Variants in DEFB110 observed in about 807,000 individuals in gnomAD.
DEFB110 encodes beta-defensin 110.
Under a neutral mutation model 2.5 loss-of-function variants are expected in DEFB110, and 4 were observed. That is an observed-to-expected ratio of 1.60 (90% CI 0.79 to 3.66). The LOEUF is 3.66. Among genes scored for constraint, DEFB110 ranks in the 30% most tolerant of loss-of-function variants. DEFB110 has a pLI of 0.01. For synonymous variants in DEFB110, 29 were observed against 21.8 expected (o/e 1.33, Z -0.92); for missense variants, 94 against 75.4 (o/e 1.25, Z -0.91).
chr6:50,010,967 A>G (rs1774217444), intron 1 of DEFB110, among the ~76,000 whole-genome samples: 1 of 151,428 alleles, frequency 6.6e-6, no homozygotes. Flanking sequence ...ATTATTTTAA[A>G]GAATAAGAAT....
chr6:50,011,024 C>T (rs1403449947), intron 1 of DEFB110, among the ~76,000 whole-genome samples: 2 of 151,660 alleles, frequency 1.3e-5, no homozygotes, highest in African/African-American at 4.8e-5. Context: ...AAACAAAAAG[C>T]ATGCATTGTA....
chr6:50,009,583 G>T (rs969976839), intron 1 of DEFB110, among the ~76,000 whole-genome samples: 1 of 152,070 alleles, frequency 6.6e-6, no homozygotes, highest in African/African-American at 2.4e-5. Context: ...ATGTATTTTT[G>T]TCAGACATTT....
Position 50,013,198 on chromosome 6 carries a change from A to C in DEFB110, c.56-3927T>G, listed in dbSNP as rs535197784. On this transcript the variant is annotated intron_variant, in intron 1 of 1. Coordinates refer to the DEFB110 transcript ENST00000393660. Reference sequence around the variant, plus strand: ...CAGAGGGAGTAGGAGAGCAAGTAGCAAACAAAGCTAGGTTTGTTGGACTCA... The same window carrying C: ...CAGAGGGAGTAGGAGAGCAAGTAGCCAACAAAGCTAGGTTTGTTGGACTCA... Among the ~76,000 whole-genome samples the C allele has an allele frequency of 8.9e-4, 136 of 151,996 alleles. 1 individual carries two copies. Among genetic ancestry groups the C allele is most frequent in the Non-Finnish European group, 1.7e-3 (115 of 67,844 alleles).
In DEFB110 at chr6:50,019,123, T is replaced by A. The variant is rs771498764; in HGVS notation, c.58A>T (p.Lys20Ter). The A allele has an allele frequency of 1.2e-6, 2 of 1,611,130 alleles. No individual in the cohort carries two copies. The highest frequency in any genetic ancestry group is 2.7e-5 in the African/African-American group (2 of 74,740). The change falls in exon 2 of 2, where the codon AAA becomes TAA. Residue 20 changes from lysine (K) to a stop codon, truncating the protein, a stop_gained and splice_region_variant. Coordinates refer to ENST00000371148, the MANE Select transcript of DEFB110 (RefSeq NM_001037497.2). LOFTEE classifies it low-confidence loss of function (END_TRUNC). ...CTACCATACTCAGGATATTTCTTTT[T>A]GGCTGTAAGAAGGGAAGAATGACTA... is the stretch of plus-strand genomic sequence containing the variant. ...LHFWVTILPA[K>*]KKYPEYGSLD...
exon 2 of DEFB110, chr6:50,009,249 C>A (rs759612816): frequency 1.2e-6 from 2 of 1,601,610 alleles, no homozygotes; most frequent in South Asian, 1.1e-5. Flanking sequence ...CAAATCTATA[C>A]TTTGGTTCAA....
At chr6:50,012,949 T>C (rs973002362) in intron 1 of DEFB110, among the ~76,000 whole-genome samples, 5 of 151,848 alleles carry the variant, frequency 3.3e-5, no homozygotes, top group Admixed American at 1.3e-4. Flanking sequence ...TGTCCTTGCA[T>C]CACAAAATAA....
At chr6:50,014,177 A>G (rs1056806516), downstream of DEFB110, among the ~76,000 whole-genome samples, 2 of 151,914 alleles carry the variant, frequency 1.3e-5, no homozygotes, top group African/African-American at 4.8e-5. Context: ...CGATTCTAGC[A>G]TGTGTTCAGA....
At position 50,021,800 on chromosome 6, in the gene DEFB110, A is replaced by G; in HGVS notation, c.55+81T>C. On this transcript the variant is annotated intron_variant, in intron 1 of 1. Coordinates refer to ENST00000371148, the MANE Select transcript of DEFB110 (RefSeq NM_001037497.2). ...GAAATGATGTTTTAATCCCTATGTT[A>G]TTATCATATTTTTTATCAAGAAACA... 15 of 1,306,944 alleles carry G rather than the reference A, an allele frequency of 1.1e-5. No individual in the cohort carries two copies. In the South Asian group the frequency reaches 2.0e-4, roughly 17 times the overall value. The allele number at this position is 1,306,944 out of a possible 1,614,324, so 81.0% of individuals were successfully genotyped here.
At chr6:50,018,325 TCTC>T (rs1171076532), downstream of DEFB110, among the ~76,000 whole-genome samples, 3 of 152,012 alleles carry the variant, frequency 2.0e-5, no homozygotes, top group Non-Finnish European at 4.4e-5. Flanking sequence ...TCAGTTATTT[TCTC>T]CTCTTCTTTC....
intron 1 of DEFB110, among the ~76,000 whole-genome samples, chr6:50,013,750 C>T (rs1438236865): frequency 1.3e-5 from 2 of 151,802 alleles, no homozygotes; most frequent in South Asian, 2.1e-4. Context: ...GGGAAAGGAA[C>T]CTGGGACATA....
chr6:50,019,083 C>T lies in DEFB110; in HGVS notation c.98G>A (p.Arg33Lys), dbSNP rs1212448032. Residue 33 changes from arginine to lysine, a missense_variant, in exon 2 of 2, where the codon AGA becomes AAA. Arg to Lys is a conservative substitution (Grantham distance 26). Coordinates refer to ENST00000371148, the MANE Select transcript of DEFB110 (RefSeq NM_001037497.2). ...YPEYGSLDLR[R>K]ECRIGNGQCK... ...TTGACCATTACCTATTCTGCACTCT[C>T]TCCTCAAGTCCAAGCTACCATACTC... The T allele has an allele frequency of 3.1e-6, 5 of 1,613,154 alleles. No homozygotes were observed. The East Asian group carries it at 8.9e-5, about 29-fold the overall frequency.
rs9296625 is a variant in DEFB110 at position 50,013,543 on chromosome 6, T to A, written c.56-4272A>T. ...ATGATATTTTAAGCATCTTTTCAAT[T>A]TTTTTTCTCTTTTAAGGGAGGAAAT... On this transcript the variant is annotated intron_variant, in intron 1 of 1. Transcript: ENST00000393660. Among the ~76,000 whole-genome samples, 437 of 151,896 alleles carry A rather than the reference T, an allele frequency of 2.9e-3. 3 individuals are homozygous for A. Among genetic ancestry groups the A allele is most frequent in the African/African-American group, 0.01 (424 of 41,506 alleles).
At chr6:50,010,907 T>C (rs1774216272) in intron 1 of DEFB110, among the ~76,000 whole-genome samples, 1 of 151,670 alleles carries the variant, frequency 6.6e-6, no homozygotes, top group Non-Finnish European at 1.5e-5. Flanking sequence ...AGTATACACA[T>C]AGAAATAATA....
At chr6:50,014,194 G>T (rs558416378), downstream of DEFB110, among the ~76,000 whole-genome samples, 37 of 151,974 alleles carry the variant, frequency 2.4e-4, no homozygotes, top group African/African-American at 8.7e-4. Context: ...CAGAAGTCCA[G>T]CAAGATAAAT....
Position 50,011,642 on chromosome 6 carries a change from G to GC in DEFB110, c.56-2372_56-2371insG, listed in dbSNP as rs563414610. Among the ~76,000 whole-genome samples, 342 of 152,102 alleles carry GC rather than the reference G, an allele frequency of 2.2e-3. 2 individuals are homozygous for GC. Among genetic ancestry groups the GC allele is most frequent in the Non-Finnish European group, 3.2e-3 (219 of 67,970 alleles). On this transcript the variant is annotated intron_variant, in intron 1 of 1. Transcript: ENST00000393660. ...TTAGTTTTTCCAAATGGTATGCGGA[G>GC]TTTTTCACTCTCCCAAGGGAAGTGT...
chr6:50,017,499 A>G (rs935753954), downstream of DEFB110, among the ~76,000 whole-genome samples: 1 of 151,906 alleles, frequency 6.6e-6, no homozygotes, highest in Non-Finnish European at 1.5e-5. Context: ...TGCTATTCGC[A>G]TCTAGTGGGT....
At chr6:50,011,849 G>C (rs973288624) in intron 1 of DEFB110, among the ~76,000 whole-genome samples, 2 of 152,028 alleles carry the variant, frequency 1.3e-5, no homozygotes, top group African/African-American at 4.8e-5. Context: ...AGAAGTTGAA[G>C]TCAAGGCAGA....
chr6:50,013,670 A>G (rs1359984546), intron 1 of DEFB110, among the ~76,000 whole-genome samples: 4 of 151,868 alleles, frequency 2.6e-5, no homozygotes, highest in Non-Finnish European at 1.5e-5. Flanking sequence ...TTGAAAATAG[A>G]GAGGAGAAAG....
At chr6:50,010,622 T>C (rs1304147901) in intron 1 of DEFB110, among the ~76,000 whole-genome samples, 1 of 149,476 alleles carries the variant, frequency 6.7e-6, no homozygotes, top group African/African-American at 2.4e-5. Flanking sequence ...ATTTTTGATG[T>C]ATATATATAT....
Sources: gnomAD v4.1 joint callset for allele counts (sites outside exome capture counted in the v4.1 genomes callset) on GRCh38, gnomAD v4.1.1 for gene constraint, MANE v1.5 for transcripts, NCBI Gene and HGNC (gene_info 2026-07-23, HGNC 2026-07-21) for gene names.